MLIP: variants seen among roughly 807,000 people sequenced by gnomAD.
The protein encoded by MLIP is muscular LMNA interacting protein, also known as muscular LMNA-interacting protein.
In MLIP, 79 loss-of-function variants were observed where a neutral mutation model predicts 84.8. That is an observed-to-expected ratio of 0.93 (90% CI 0.78 to 1.12). The LOEUF (loss-of-function observed/expected upper bound fraction) is 1.12. Ranked by LOEUF, MLIP falls within the 50% of genes most tolerant of loss-of-function variation. The probability of loss-of-function intolerance (pLI) is 0.00; values close to 1 mark genes in which losing one functional copy is unlikely to be tolerated. For missense variants in MLIP, 1,257 were observed against 1,160.6 expected (o/e 1.08, Z -1.21); for synonymous variants, 504 against 463.0 (o/e 1.09, Z -1.14).
intron 1 of MLIP, among the ~76,000 whole-genome samples, chr6:54,088,093 T>C (rs1400472707): frequency 6.6e-6 from 1 of 152,180 alleles, no homozygotes; most frequent in Admixed American, 6.6e-5. Context: ...TGCTTATGTG[T>C]TTTCCAAACT....
intron 10 of MLIP, among the ~76,000 whole-genome samples, chr6:54,191,147 G>A (rs1372504983): frequency 6.6e-6 from 1 of 151,910 alleles, no homozygotes; most frequent in East Asian, 1.9e-4. Flanking sequence ...GTAAATTCCT[G>A]AATAATAGAT....
intron 1 of MLIP, among the ~76,000 whole-genome samples, chr6:54,092,394 C>T (rs1314757044): frequency 1.3e-5 from 2 of 152,078 alleles, no homozygotes; most frequent in African/African-American, 4.8e-5. Flanking sequence ...TATCTTGGTA[C>T]AAGTTCAAAT....
chr6:54,100,850 A>T (rs1768593287), intron 1 of MLIP, among the ~76,000 whole-genome samples: 1 of 152,170 alleles, frequency 6.6e-6, no homozygotes, highest in African/African-American at 2.4e-5. Flanking sequence ...CTGTGAAAAC[A>T]CATTGGCAAA....
intron 1 of MLIP, among the ~76,000 whole-genome samples, chr6:54,114,091 G>T (rs74780537): frequency 6.6e-6 from 1 of 152,142 alleles, no homozygotes; most frequent in African/African-American, 2.4e-5. Flanking sequence ...TGATGTTTCA[G>T]CCTTTTAAAA....
chr6:54,198,145 T>A (rs893758569), intron 10 of MLIP, among the ~76,000 whole-genome samples: 3 of 152,124 alleles, frequency 2.0e-5, no homozygotes, highest in Admixed American at 1.3e-4. Context: ...TCTTTCAACT[T>A]TTAATGTGTA....
At chr6:54,110,894 G>C (rs1305039250), upstream of MLIP, among the ~76,000 whole-genome samples, 2 of 152,178 alleles carry the variant, frequency 1.3e-5, no homozygotes, top group Non-Finnish European at 2.9e-5. Flanking sequence ...TTTTAGAGGT[G>C]ATTTTGTTAA....
rs1032762458 is a variant in MLIP at position 54,261,742 on chromosome 6, G to A, written c.2977-4208G>A. ...AAAAGAGAAAATAAATTACTTGCCC[G>A]TGGAAGCCACTCTCATTTTCTGGTT... On this transcript the variant is annotated intron_variant, in intron 13 of 13. Coordinates refer to ENST00000502396, the MANE Select transcript of MLIP (RefSeq NM_001281747.2). 46 of 984,812 alleles carry A rather than the reference G, an allele frequency of 4.7e-5. 1 individual carries two copies. The highest frequency in any genetic ancestry group is 1.2e-4 in the Admixed American group (2 of 16,194). 61.0% of individuals were successfully genotyped at this position (984,812 alleles called of 1,614,324 possible).
intron 12 of MLIP, among the ~76,000 whole-genome samples, chr6:54,248,306 A>C (rs1041749617): frequency 2.0e-5 from 3 of 152,188 alleles, no homozygotes; most frequent in Non-Finnish European, 4.4e-5. Context: ...TAAGTAATGA[A>C]GTGTTCTCTT....
At chr6:54,246,506 TG>T (rs1353520354) in intron 12 of MLIP, among the ~76,000 whole-genome samples, 3 of 152,172 alleles carry the variant, frequency 2.0e-5, no homozygotes, top group African/African-American at 7.2e-5. Flanking sequence ...TTTTCAAATT[TG>T]TATGACTTTT....
chr6:54,192,912 A>G (rs1211862216), intron 10 of MLIP, among the ~76,000 whole-genome samples: 2 of 152,196 alleles, frequency 1.3e-5, no homozygotes, highest in African/African-American at 2.4e-5. Flanking sequence ...ACAAAGTGCT[A>G]TGGTACCACA....
chr6:54,248,678 G>T (rs539767384), intron 12 of MLIP, among the ~76,000 whole-genome samples: 70 of 152,222 alleles, frequency 4.6e-4, no homozygotes, highest in Admixed American at 9.2e-4. Context: ...TATCTCTTGG[G>T]ATGGAAGAGG....
intron 1 of MLIP, among the ~76,000 whole-genome samples, chr6:54,070,649 T>TTATATAAGG (rs1201670780): frequency 6.6e-6 from 1 of 152,188 alleles, no homozygotes; most frequent in Non-Finnish European, 1.5e-5. Flanking sequence ...AGTTAACTCA[T>TTATATAAGG]TATATAAGGC....
At chr6:54,028,834 T>A (rs1478152848) in intron 1 of MLIP, 2 of 152,244 alleles carry the variant, frequency 1.3e-5, no homozygotes, top group African/African-American at 4.8e-5. Flanking sequence ...GAATTTGTCT[T>A]CCTTGACTCT....
intron 1 of MLIP, among the ~76,000 whole-genome samples, chr6:54,082,728 C>T (rs1767242042): frequency 6.7e-6 from 1 of 148,510 alleles, no homozygotes; most frequent in South Asian, 2.2e-4. Flanking sequence ...TTTGCATTTT[C>T]CTGATTACTA....
chr6:54,118,349 A>G (rs1040943439), intron 1 of MLIP, among the ~76,000 whole-genome samples: 1 of 152,242 alleles, frequency 6.6e-6, no homozygotes, highest in Non-Finnish European at 1.5e-5. Flanking sequence ...TGAGAGTTCC[A>G]GCTGAGAGTC....
At chr6:54,127,778 C>T (rs370898095) in intron 3 of MLIP, among the ~76,000 whole-genome samples, 2 of 151,912 alleles carry the variant, frequency 1.3e-5, no homozygotes, top group Non-Finnish European at 2.9e-5. Context: ...AAGTATCTTA[C>T]GTTAAAAAAA....
chr6:54,199,397 T>C (rs1245220606), intron 10 of MLIP, among the ~76,000 whole-genome samples: 1 of 152,122 alleles, frequency 6.6e-6, no homozygotes, highest in Admixed American at 6.6e-5. Context: ...AGATGATCTA[T>C]CTAAAATATT....
intron 1 of MLIP, among the ~76,000 whole-genome samples, chr6:54,027,382 C>T (rs1208704175): frequency 5.8e-4 from 1 of 1,712 alleles, no homozygotes; most frequent in Non-Finnish European, 0.012. Context: ...AATACACACA[C>T]ACACACACAC....
chr6:54,019,930 A>ATTAGAATTTCAAGGTC (rs1183205274), intron 1 of MLIP, among the ~76,000 whole-genome samples: 26 of 152,242 alleles, frequency 1.7e-4, no homozygotes, highest in African/African-American at 6.3e-4. Context: ...CTTGAAGTGT[A>ATTAGAATTTCAAGGTC]TTAGAATTTC....
Sources: allele counts gnomAD v4.1 joint callset (sites outside exome capture counted in the v4.1 genomes callset), GRCh38; gene constraint gnomAD v4.1.1; transcripts MANE v1.5; gene names NCBI Gene and HGNC (gene_info 2026-07-23, HGNC 2026-07-21).